Variants in CDH13 observed in about 807,000 individuals in gnomAD.
The protein encoded by CDH13 is cadherin-13.
In CDH13, 24 loss-of-function variants were observed where a neutral mutation model predicts 63.8. The observed-to-expected ratio is 0.38, with a 90% CI of 0.27 to 0.53. The LOEUF is 0.53. CDH13 is among the 20% of genes least tolerant of loss of function. The pLI is 0.85. For missense variants in CDH13, 1,049 were observed against 903.1 expected (o/e 1.16, Z -2.07); for synonymous variants, 503 against 355.3 (o/e 1.42, Z -4.67).
intron 1 of CDH13, among the ~76,000 whole-genome samples, chr16:82,809,305 T>C (rs1293836505): frequency 3.4e-5 from 1 of 29,848 alleles, no homozygotes; most frequent in Non-Finnish European, 7.0e-5. Flanking sequence ...TCTCAAGTTA[T>C]TTACGTCCAA....
At chr16:83,100,236 GACAA>G (rs1351327816) in intron 3 of CDH13, among the ~76,000 whole-genome samples, 2 of 151,982 alleles carry the variant, frequency 1.3e-5, no homozygotes, top group African/African-American at 4.8e-5. Flanking sequence ...GGGTGGGGGA[GACAA>G]ACAAAAATAA....
At chr16:83,581,338 C>G (rs919937006) in intron 7 of CDH13, among the ~76,000 whole-genome samples, 1 of 152,158 alleles carries the variant, frequency 6.6e-6, no homozygotes, top group African/African-American at 2.4e-5. Context: ...TCATCAAGAA[C>G]CAAGGGTGAC....
intron 2 of CDH13, among the ~76,000 whole-genome samples, chr16:82,876,970 C>A (rs139804609): frequency 7.2e-5 from 11 of 152,290 alleles, no homozygotes; most frequent in African/African-American, 2.4e-4. Context: ...ACCCAAACAG[C>A]TCATATACTA....
intron 8 of CDH13, among the ~76,000 whole-genome samples, chr16:83,659,023 A>G (rs1362063421): frequency 7.3e-5 from 9 of 122,932 alleles, no homozygotes; most frequent in Middle Eastern, 5.8e-3. Flanking sequence ...ACCAGGTCCC[A>G]TATCCTCACC....
At chr16:83,570,946 C>T (rs377483593) in intron 7 of CDH13, among the ~76,000 whole-genome samples, 2 of 110,084 alleles carry the variant, frequency 1.8e-5, no homozygotes, top group South Asian at 2.9e-4. Flanking sequence ...ATAACTCATC[C>T]ATATATATAT....
chr16:82,691,068 T>A (rs554095521), intron 1 of CDH13, among the ~76,000 whole-genome samples: 1 of 152,314 alleles, frequency 6.6e-6, no homozygotes, highest in African/African-American at 2.4e-5. Context: ...CATTTACACA[T>A]TCAGCAAATA....
chr16:82,832,435 C>T (rs1379191656), intron 1 of CDH13, among the ~76,000 whole-genome samples: 2 of 152,110 alleles, frequency 1.3e-5, no homozygotes, highest in Admixed American at 1.3e-4. Flanking sequence ...TCTTCCTCCT[C>T]CTCCTTCTCT....
At chr16:83,526,648 G>C (rs1204991536) in intron 7 of CDH13, among the ~76,000 whole-genome samples, 1 of 152,188 alleles carries the variant, frequency 6.6e-6, no homozygotes, top group South Asian at 2.1e-4. Flanking sequence ...TCCGTGGCCC[G>C]GGGGCTGGCG....
chr16:83,021,844 G>A (rs754656695), intron 2 of CDH13, among the ~76,000 whole-genome samples: 10 of 152,134 alleles, frequency 6.6e-5, no homozygotes, highest in African/African-American at 2.4e-4. Flanking sequence ...CATGGAACAC[G>A]GAAGCCCAAT....
At chr16:83,515,883 T>A (rs2074688144) in intron 7 of CDH13, among the ~76,000 whole-genome samples, 1 of 152,168 alleles carries the variant, frequency 6.6e-6, no homozygotes, top group African/African-American at 2.4e-5. Context: ...ATAAATTTAA[T>A]CTTTATATAG....
At chr16:83,286,906 G>A (rs901830514) in intron 5 of CDH13, among the ~76,000 whole-genome samples, 10 of 151,842 alleles carry the variant, frequency 6.6e-5, no homozygotes, top group African/African-American at 2.4e-4. Context: ...TGAAGCAAGG[G>A]CTGGATATTT....
At chr16:82,699,786 G>A (rs2030767104) in intron 1 of CDH13, among the ~76,000 whole-genome samples, 2 of 152,198 alleles carry the variant, frequency 1.3e-5, no homozygotes, top group Non-Finnish European at 2.9e-5. Context: ...AATCTCTTTT[G>A]TCTATGCCAA....
intron 1 of CDH13, among the ~76,000 whole-genome samples, chr16:82,710,112 TTATA>T (rs1224996654): frequency 1.4e-5 from 2 of 147,776 alleles, no homozygotes; most frequent in Non-Finnish European, 3.0e-5. Flanking sequence ...TTTAAATATA[TTATA>T]TAGATTTAAT....
intron 1 of CDH13, among the ~76,000 whole-genome samples, chr16:82,654,994 C>T (rs1006249577): frequency 2.0e-5 from 3 of 152,190 alleles, no homozygotes; most frequent in Non-Finnish European, 4.4e-5. Flanking sequence ...AGATTTCATG[C>T]TTTTAGTCAT....
At chr16:83,523,429 C>G (rs867673134) in intron 7 of CDH13, among the ~76,000 whole-genome samples, 7 of 152,162 alleles carry the variant, frequency 4.6e-5, no homozygotes, top group Non-Finnish European at 7.3e-5. Context: ...AAGCCCAAGG[C>G]TCTGTCTTGT....
intron 7 of CDH13, among the ~76,000 whole-genome samples, chr16:83,578,164 G>T (rs181000622): frequency 6.6e-6 from 1 of 152,292 alleles, no homozygotes; most frequent in Admixed American, 6.5e-5. Context: ...AGAGTATTAT[G>T]AGTTTGTTTA....
At chr16:83,249,131 G>T (rs554845038) in intron 5 of CDH13, among the ~76,000 whole-genome samples, 2 of 152,234 alleles carry the variant, frequency 1.3e-5, no homozygotes, top group East Asian at 3.9e-4. Flanking sequence ...CCTTCATGTC[G>T]TTCTCCCTGA....
rs764589730 is a variant in CDH13 at position 82,641,811 on chromosome 16, G to C, written c.45+14674G>C. ...AATGAGTAAGACAGGCCAAGTCCCTGCTCTGGTGAGCTTATGTACTGGCTG... is the reference window on the plus strand; with the variant it reads ...AATGAGTAAGACAGGCCAAGTCCCTCCTCTGGTGAGCTTATGTACTGGCTG... On this transcript the variant is annotated intron_variant, in intron 1 of 13. Transcript: ENST00000567109. 3.7e-4 allele frequency among the ~76,000 whole-genome samples: 56 copies of C among 152,180 alleles called. 2 individuals are homozygous for C. Among genetic ancestry groups the C allele is most frequent in the Admixed American group, 6.5e-5 (1 of 15,278 alleles).
At position 82,761,922 on chromosome 16, in the gene CDH13, G is replaced by A. The variant is rs568921683; in HGVS notation, c.46-96440G>A. Among the ~76,000 whole-genome samples the A allele has an allele frequency of 2.0e-4, 31 of 152,264 alleles. No homozygotes were observed. The South Asian group carries it at 3.1e-3, about 15-fold the overall frequency. On this transcript the variant is annotated intron_variant, in intron 1 of 13. Coordinates refer to ENST00000567109, the MANE Select transcript of CDH13 (RefSeq NM_001257.5). Reference sequence around the variant, plus strand: ...AATAACTTTAGATAATAAGAAAAATGGTTTCTGTTTACACTGAGTTTTCAC... The same window carrying A: ...AATAACTTTAGATAATAAGAAAAATAGTTTCTGTTTACACTGAGTTTTCAC...
Sources: gnomAD v4.1 joint callset for allele counts (sites outside exome capture counted in the v4.1 genomes callset) on GRCh38, gnomAD v4.1.1 for gene constraint, MANE v1.5 for transcripts, NCBI Gene and HGNC (gene_info 2026-07-23, HGNC 2026-07-21) for gene names.